Variants in ITGBL1 observed in about 807,000 individuals in gnomAD.
ITGBL1 encodes the protein integrin subunit beta like 1, also known as integrin beta-like protein 1.
Under a neutral mutation model 68.5 loss-of-function variants are expected in ITGBL1, and 51 were observed. The ratio of observed to expected loss-of-function variants is 0.74; its 90% CI spans 0.59 to 0.94. The LOEUF is 0.94. Ranked by LOEUF, ITGBL1 falls within the 40% of genes least tolerant of loss-of-function variation. The probability of loss-of-function intolerance (pLI) is 0.00; values close to 1 mark genes in which losing one functional copy is unlikely to be tolerated. For synonymous variants in ITGBL1, 209 were observed against 227.3 expected, an observed-to-expected ratio of 0.92 and a Z score of 0.72; for missense variants, 649 against 647.4, an observed-to-expected ratio of 1.00 and a Z score of -0.03.
intron 7 of ITGBL1, among the ~76,000 whole-genome samples, chr13:101,653,159 G>A (rs1184040588): frequency 1.3e-5 from 2 of 150,430 alleles, no homozygotes. Flanking sequence ...GGAGGAGGAG[G>A]AGAAACAAAG....
chr13:101,560,634 A>G (rs2050084370), intron 2 of ITGBL1, among the ~76,000 whole-genome samples: 1 of 152,228 alleles, frequency 6.6e-6, no homozygotes. Context: ...TTATATATGA[A>G]CAAAAATTTG....
At chr13:101,698,194 C>T (rs2034046518) in intron 8 of ITGBL1, among the ~76,000 whole-genome samples, 2 of 152,180 alleles carry the variant, frequency 1.3e-5, no homozygotes. Context: ...ATATATCCAA[C>T]ATGTGGCCAG....
At chr13:101,465,826 T>C (rs1426366224) in intron 2 of ITGBL1, among the ~76,000 whole-genome samples, 4 of 152,232 alleles carry the variant, frequency 2.6e-5, no homozygotes, top group Non-Finnish European at 5.9e-5. Flanking sequence ...GTTCAGTGAA[T>C]AAATGAGATT....
intron 2 of ITGBL1, among the ~76,000 whole-genome samples, chr13:101,522,647 C>T (rs534150952): frequency 5.9e-5 from 9 of 152,252 alleles, no homozygotes; most frequent in African/African-American, 2.2e-4. Context: ...CAGAAGTTTC[C>T]TCAGTCAGTA....
At chr13:101,614,069 C>T (rs190250555) in intron 7 of ITGBL1, among the ~76,000 whole-genome samples, 3 of 17,532 alleles carry the variant, frequency 1.7e-4, no homozygotes, top group Non-Finnish European at 3.4e-4. Flanking sequence ...GTGGGTGGGT[C>T]GGGTAGGGGT....
chr13:101,673,059 C>T (rs929825901), intron 7 of ITGBL1, among the ~76,000 whole-genome samples: 28 of 152,152 alleles, frequency 1.8e-4, no homozygotes, highest in South Asian at 4.1e-4. Context: ...AATGCTGTAA[C>T]CAGAGACCTT....
At chr13:101,548,227 C>T (rs996469426) in intron 2 of ITGBL1, among the ~76,000 whole-genome samples, 1 of 151,752 alleles carries the variant, frequency 6.6e-6, no homozygotes, top group African/African-American at 2.4e-5. Flanking sequence ...AACACTATAC[C>T]AAACTCACTG....
chr13:101,664,171 C>T (rs949987308), intron 7 of ITGBL1, among the ~76,000 whole-genome samples: 4 of 152,100 alleles, frequency 2.6e-5, no homozygotes, highest in Admixed American at 6.6e-5. Context: ...GGACTAACTT[C>T]GCAGTTTTAT....
At chr13:101,560,749 AT>A in intron 2 of ITGBL1, among the ~76,000 whole-genome samples, 1 of 152,296 alleles carries the variant, frequency 6.6e-6, no homozygotes, top group East Asian at 1.9e-4. Context: ...AGTAACTCAA[AT>A]TATCCTTTTT....
chr13:101,490,877 G>T (rs2048766149), intron 2 of ITGBL1, among the ~76,000 whole-genome samples: 1 of 152,050 alleles, frequency 6.6e-6, no homozygotes, highest in South Asian at 2.1e-4. Context: ...CCCTTGATTA[G>T]CTGGGAATCC....
At chr13:101,476,041 C>T (rs964793703) in intron 2 of ITGBL1, among the ~76,000 whole-genome samples, 3 of 152,016 alleles carry the variant, frequency 2.0e-5, no homozygotes, top group South Asian at 2.1e-4. Context: ...AGTAAACAGA[C>T]AAATACAGAA....
At chr13:101,606,535 C>G (rs2030868302) in intron 7 of ITGBL1, among the ~76,000 whole-genome samples, 1 of 151,900 alleles carries the variant, frequency 6.6e-6, no homozygotes, top group Non-Finnish European at 1.5e-5. Flanking sequence ...GTTAGTTTTA[C>G]ATTCTTCCTG....
At chr13:101,547,419 ATTCT>A (rs1404054280) in intron 2 of ITGBL1, among the ~76,000 whole-genome samples, 1 of 151,888 alleles carries the variant, frequency 6.6e-6, no homozygotes, top group African/African-American at 2.4e-5. Context: ...GATTAATTTT[ATTCT>A]TTCTTGTTTA....
chr13:101,586,813 C>A (rs2050565383), intron 6 of ITGBL1, among the ~76,000 whole-genome samples: 1 of 152,134 alleles, frequency 6.6e-6, no homozygotes, highest in Admixed American at 6.5e-5. Flanking sequence ...TTTCATCATT[C>A]TTACAGAATC....
At chr13:101,720,528 C>T (rs1359339734), downstream of ITGBL1, 1 of 92,694 alleles carries the variant, frequency 1.1e-5, no homozygotes, top group African/African-American at 4.7e-5. Flanking sequence ...GGGGTGTTTG[C>T]TCTGTGTGTG....
chr13:101,547,696 A>T (rs2049850203), intron 2 of ITGBL1, among the ~76,000 whole-genome samples: 1 of 151,806 alleles, frequency 6.6e-6, no homozygotes, highest in Non-Finnish European at 1.5e-5. Context: ...TTTTTAAATA[A>T]CTAAAATATT....
intron 2 of ITGBL1, among the ~76,000 whole-genome samples, chr13:101,519,759 A>G (rs568044514): frequency 9.8e-5 from 15 of 152,310 alleles, no homozygotes; most frequent in Admixed American, 9.2e-4. Context: ...ATATATGTAA[A>G]GCATCAAGTA....
chr13:101,496,565 C>T (rs1441944819), intron 2 of ITGBL1, among the ~76,000 whole-genome samples: 2 of 152,092 alleles, frequency 1.3e-5, no homozygotes, highest in African/African-American at 2.4e-5. Flanking sequence ...ATTTTTAAGT[C>T]TTTCCACTTC....
intron 7 of ITGBL1, among the ~76,000 whole-genome samples, chr13:101,644,185 T>A (rs1252943262): frequency 6.6e-6 from 1 of 152,172 alleles, no homozygotes; most frequent in Non-Finnish European, 1.5e-5. Flanking sequence ...TACAGTCTAA[T>A]GGAGAATAAA....
Sources: gnomAD v4.1 joint callset for allele counts (sites outside exome capture counted in the v4.1 genomes callset) on GRCh38, gnomAD v4.1.1 for gene constraint, MANE v1.5 for transcripts, NCBI Gene and HGNC (gene_info 2026-07-23, HGNC 2026-07-21) for gene names.